The following VPS13A variants were observed in gnomAD, a reference collection of about 807,000 sequenced individuals.
VPS13A encodes the protein vacuolar protein sorting 13 homolog A, also known as intermembrane lipid transfer protein VPS13A.
In VPS13A, 264 loss-of-function variants were observed where a neutral mutation model predicts 390.9. That is an observed-to-expected ratio of 0.68 (90% CI 0.61 to 0.75). The LOEUF (loss-of-function observed/expected upper bound fraction) is 0.75, where lower values mean the gene tolerates loss of function less well. VPS13A is among the 30% of genes least tolerant of loss of function. The pLI, the probability that VPS13A is intolerant of heterozygous loss-of-function variation, is 0.00. For missense variants in VPS13A, 3,409 were observed against 3,733.9 expected (o/e 0.91, Z 2.27); for synonymous variants, 1,231 against 1,227.1 (o/e 1.00, Z -0.07).
chr9:77,181,840 G>C (rs1824038581), intron 1 of VPS13A, among the ~76,000 whole-genome samples: 1 of 152,182 alleles, frequency 6.6e-6, no homozygotes, highest in Admixed American at 6.5e-5. Context: ...TGCAGCAGAA[G>C]AGTGCTACTG....
chr9:77,276,418 T>C (rs1021308392), intron 26 of VPS13A, among the ~76,000 whole-genome samples, 197 bp downstream of exon 26: 1 of 152,226 alleles, frequency 6.6e-6, no homozygotes, highest in African/African-American at 2.4e-5. Flanking sequence ...AAGATAATTT[T>C]ATTCATTATG....
In VPS13A at chr9:77,212,956, T is replaced by C; in HGVS notation, c.556-13T>C. On this transcript the variant is annotated splice_polypyrimidine_tract_variant and intron_variant, in intron 7 of 71. Transcript: ENST00000360280. ...ATGACCTTTTTACTGCCATTGTTTT[T>C]TTTCCTTTTCAGACAACTGATCAAT... 6.2e-7 allele frequency: 1 copy of C among 1,613,892 alleles called. No homozygotes were observed. The highest frequency in any genetic ancestry group is 8.5e-7 in the Non-Finnish European group (1 of 1,179,884).
chr9:77,216,156 C>T (rs917761149), intron 10 of VPS13A, among the ~76,000 whole-genome samples: 3 of 151,974 alleles, frequency 2.0e-5, no homozygotes, highest in Non-Finnish European at 2.9e-5. Context: ...CTTAACATTA[C>T]GCCAGCTGGA....
Position 77,295,535 on chromosome 9 carries a change from C to T in VPS13A, c.3508-7C>T, listed in dbSNP as rs763446357. The T allele has an allele frequency of 6.3e-7, 1 of 1,595,984 alleles. No individual in the cohort carries two copies. The highest frequency in any genetic ancestry group is 8.6e-7 in the Non-Finnish European group (1 of 1,168,928). On this transcript the variant is annotated splice_polypyrimidine_tract_variant and splice_region_variant and intron_variant, in intron 32 of 71. Transcript: ENST00000360280. ...AACCTTAAGAATATAATTCTGTTAT[C>T]TTACAGGCTTTTATAGATAATTTTC...
At chr9:77,391,534 T>C (rs1184180385) in intron 68 of VPS13A, among the ~76,000 whole-genome samples, 2 of 152,184 alleles carry the variant, frequency 1.3e-5, no homozygotes, top group African/African-American at 4.8e-5. Flanking sequence ...GAAATTGATA[T>C]CCTAGTCACT....
At chr9:77,183,609 G>A (rs1824154627) in intron 1 of VPS13A, among the ~76,000 whole-genome samples, 1 of 144,824 alleles carries the variant, frequency 6.9e-6, no homozygotes, top group Non-Finnish European at 1.5e-5. Context: ...TGCAAAAACT[G>A]GAACTCTGTT....
rs1461426787 is a variant in VPS13A at position 77,273,331 on chromosome 9, C to T, written c.2479C>T (p.Pro827Ser). 6.2e-7 allele frequency: 1 copy of T among 1,611,688 alleles called. No individual in the cohort carries two copies. The highest frequency in any genetic ancestry group is 8.5e-7 in the Non-Finnish European group (1 of 1,178,916). Reference sequence around the variant, plus strand: ...ATCACAGATTTCACAGAAAATAATTCCTCTCTTGGAACTTCCATCTGTTTC... The same window carrying T: ...ATCACAGATTTCACAGAAAATAATTTCTCTCTTGGAACTTCCATCTGTTTC... ...GTSQISQKII[P>S]LLELPSVSED... The change falls in exon 24 of 72, where the codon CCT (proline) becomes TCT (serine). Residue 827 changes from proline to serine, a missense_variant. Physicochemically the swap from Pro to Ser is moderately conservative, Grantham distance 74 (BLOSUM62 -1). Coordinates refer to ENST00000360280, the MANE Select transcript of VPS13A (RefSeq NM_033305.3).
At chr9:77,345,631 T>G (rs1210616228) in intron 52 of VPS13A, among the ~76,000 whole-genome samples, 1 of 152,214 alleles carries the variant, frequency 6.6e-6, no homozygotes, top group Non-Finnish European at 1.5e-5. Flanking sequence ...TTTGCTGTTA[T>G]ATCTTCTTAG....
intron 68 of VPS13A, among the ~76,000 whole-genome samples, chr9:77,399,181 TAAAAAAAAAAAAAAAAA>T (rs1223344360): frequency 2.9e-5 from 1 of 34,966 alleles, no homozygotes; most frequent in African/African-American, 9.2e-5. Context: ...AAAAAAAAAA[TAAAAAAAAAAAAAAAAA>T]AAAAAAACAA....
At position 77,357,792 on chromosome 9, in the gene VPS13A, C is replaced by G. The variant is rs781571446; in HGVS notation, c.7907C>G (p.Thr2636Arg). ...YLPALKVEYN[T>R]SAHQSSFRIQ... ...CCAGCATTAAAAGTGGAATATAACA[C>G]ATCTGCACATCAATCATCATTTAGA... is the stretch of plus-strand genomic sequence containing the variant. Residue 2636 changes from threonine to arginine, a missense_variant, in exon 56 of 72, where the codon ACA becomes AGA. This residue lies in a region of VPS13A where 221 missense variants were observed against 300.7 expected (regional missense o/e 0.73). Coordinates refer to ENST00000360280, the MANE Select transcript of VPS13A (RefSeq NM_033305.3). The G allele has an allele frequency of 6.2e-7, 1 of 1,613,620 alleles. No homozygotes were observed. The highest frequency in any genetic ancestry group is 8.5e-7 in the Non-Finnish European group (1 of 1,179,780).
chr9:77,182,272 T>C (rs1824068778), intron 1 of VPS13A, among the ~76,000 whole-genome samples: 1 of 152,126 alleles, frequency 6.6e-6, no homozygotes, highest in Non-Finnish European at 1.5e-5. Context: ...TTTTGTATTT[T>C]TAGTAGGGAC....
At position 77,318,408 on chromosome 9, in the gene VPS13A, TCCCACAAC is replaced by T; in HGVS notation, c.5131_5138del (p.Pro1711Ter). 6.2e-7 allele frequency: 1 copy of T among 1,613,848 alleles called. No homozygotes were observed. The highest frequency in any genetic ancestry group is 1.1e-5 in the South Asian group (1 of 91,064). The stretch of plus-strand genomic sequence containing the variant: ...AATCAAATGAAACTGAAAAAATAGC[TCCCACAAC>T]TGAATTGGTACCCAAAGGCGAGATG... On this transcript the variant is annotated frameshift_variant, in exon 41 of 72. Coordinates refer to ENST00000360280, the MANE Select transcript of VPS13A (RefSeq NM_033305.3). LOFTEE classifies it high-confidence loss of function.
chr9:77,341,436 T>G (rs1587620215), intron 50 of VPS13A, among the ~76,000 whole-genome samples: 1 of 152,336 alleles, frequency 6.6e-6, no homozygotes, highest in East Asian at 1.9e-4. Flanking sequence ...ATATGTGGTT[T>G]ACTTTTTATT....
intron 35 of VPS13A, among the ~76,000 whole-genome samples, chr9:77,308,471 G>C (rs1036237894): frequency 6.6e-6 from 1 of 151,904 alleles, no homozygotes. Flanking sequence ...CCTATCCCTA[G>C]TGTGGCATAT....
At chr9:77,178,633 G>A (rs1823808062) in intron 1 of VPS13A, among the ~76,000 whole-genome samples, 1 of 152,176 alleles carries the variant, frequency 6.6e-6, no homozygotes, top group Non-Finnish European at 1.5e-5. Context: ...AGGTGGTGAA[G>A]GACCGAGCTT....
chr9:77,301,113 G>A (rs776121149), intron 33 of VPS13A, among the ~76,000 whole-genome samples: 41 of 152,146 alleles, frequency 2.7e-4, no homozygotes, highest in Non-Finnish European at 5.1e-4. Flanking sequence ...TCCAGAGAAA[G>A]TAATCTTTTG....
chr9:77,239,225 C>T (rs979108349), intron 19 of VPS13A, among the ~76,000 whole-genome samples: 1 of 151,862 alleles, frequency 6.6e-6, no homozygotes. Flanking sequence ...CACCTTTGAT[C>T]CCAGCACTTT....
rs371615691 is a variant in VPS13A at position 77,409,553 on chromosome 9, A to C, written c.9474+1946A>C. Among the ~76,000 whole-genome samples, 5 of 152,186 alleles carry C rather than the reference A, an allele frequency of 3.3e-5. No individual in the cohort carries two copies. The East Asian group carries it at 7.7e-4, about 24-fold the overall frequency. On this transcript the variant is annotated intron_variant, in intron 71 of 71. Transcript: ENST00000360280. ...GGCAAGGAAGTTAAAAACCTTGAAA[A>C]AAAATTAGATGAATGGCTAACTAGA... is the stretch of plus-strand genomic sequence containing the variant.
chr9:77,343,716 A>T (rs1830972707), intron 50 of VPS13A, among the ~76,000 whole-genome samples: 1 of 152,166 alleles, frequency 6.6e-6, no homozygotes. Context: ...TGCTAGATTT[A>T]ATACTTGTTT....
Sources: gnomAD v4.1 joint callset for allele counts (sites outside exome capture counted in the v4.1 genomes callset) on GRCh38, gnomAD v4.1.1 for gene constraint, gnomAD v4.1.1 regional missense constraint, MANE v1.5 for transcripts, NCBI Gene and HGNC (gene_info 2026-07-23, HGNC 2026-07-21) for gene names.